Variants in KCNG3 observed in about 807,000 individuals in gnomAD.
KCNG3 encodes the protein voltage-gated potassium channel regulatory subunit KCNG3.
In KCNG3, 15 loss-of-function variants were observed where a neutral mutation model predicts 29.0. That is an observed-to-expected ratio of 0.52 (90% confidence interval 0.35 to 0.80). KCNG3 has a LOEUF of 0.80. KCNG3 is among the 30% of genes least tolerant of loss of function. The pLI, the probability that KCNG3 is intolerant of heterozygous loss-of-function variation, is 0.01. For synonymous variants in KCNG3, 322 were observed against 248.9 expected, an observed-to-expected ratio of 1.29 and a Z score of -2.76; for missense variants, 512 against 605.7, an observed-to-expected ratio of 0.85 and a Z score of 1.62.
intron 1 of KCNG3, among the ~76,000 whole-genome samples, chr2:42,474,839 G>T (rs1312888982): frequency 6.6e-6 from 1 of 152,112 alleles, no homozygotes; most frequent in Non-Finnish European, 1.5e-5. Context: ...ACATAAAGGG[G>T]AATTCTTTTG....
chr2:42,454,721 A>G (rs955204630), intron 1 of KCNG3, among the ~76,000 whole-genome samples: 1 of 152,156 alleles, frequency 6.6e-6, no homozygotes, highest in African/African-American at 2.4e-5. Flanking sequence ...AGAAAAAAAA[A>G]AAGAAAGAAA....
chr2:42,481,757 T>C (rs111234542), intron 1 of KCNG3, among the ~76,000 whole-genome samples: 102 of 152,212 alleles, frequency 6.7e-4, no homozygotes, highest in African/African-American at 2.3e-3. Context: ...AGGGATTGGT[T>C]TGTGCTTCCT....
chr2:42,389,537 G>C, the KCNG3 span, among the ~76,000 whole-genome samples: 1 of 152,170 alleles, frequency 6.6e-6, no homozygotes, highest in Non-Finnish European at 1.5e-5. Context: ...AAATAAAAAT[G>C]TGACTTCACT....
chr2:42,487,721 AC>A (rs1673762961), intron 1 of KCNG3, among the ~76,000 whole-genome samples: 1 of 152,250 alleles, frequency 6.6e-6, no homozygotes, highest in South Asian at 2.1e-4. Context: ...TGTGAAAATT[AC>A]AAGTGCATAT....
chr2:42,475,125 C>T (rs911479883), intron 1 of KCNG3, among the ~76,000 whole-genome samples: 8 of 152,214 alleles, frequency 5.3e-5, no homozygotes, highest in African/African-American at 1.7e-4. Flanking sequence ...TGTAAACACC[C>T]ATTACCTTTC....
chr2:42,444,310 A>G lies in KCNG3; in HGVS notation c.935T>C (p.Leu312Pro). The G allele has an allele frequency of 6.2e-7, 1 of 1,614,220 alleles. No homozygotes were observed. Among genetic ancestry groups the G allele is most frequent in the Non-Finnish European group, 8.5e-7 (1 of 1,180,042 alleles). ...LARHFIGLQTLGLTLKRCYRE... is the reference protein window; with the variant it reads ...LARHFIGLQTPGLTLKRCYRE... ...GTAGCAACGTTTGAGAGTCAAACCG[A>G]GTGTCTGAAGACCAATGAAGTGACG... The change falls in exon 2 of 2, where the codon CTC becomes CCC. Residue 312 changes from leucine (L) to proline (P), a missense_variant. Transcript: ENST00000306078. This position sits in a 1 kb window ranked among gnomAD's most constrained non-coding sequence, Gnocchi z 5.8.
intron 1 of KCNG3, among the ~76,000 whole-genome samples, chr2:42,445,745 G>C (rs1410244138): frequency 1.2e-4 from 17 of 144,746 alleles, no homozygotes; most frequent in Non-Finnish European, 6.1e-5. Flanking sequence ...TTTTTTTTTT[G>C]AGATGAAGTT....
chr2:42,434,458 CAAAAAAAAAAAAAAAAA>C, the KCNG3 span, among the ~76,000 whole-genome samples: 1 of 31,242 alleles, frequency 3.2e-5, no homozygotes, highest in South Asian at 1.9e-3. Flanking sequence ...GACACTGTCT[CAAAAAAAAAAAAAAAAA>C]AAAAAAAAAA....
chr2:42,438,460 G>C (rs1329807252), downstream of KCNG3, among the ~76,000 whole-genome samples: 2 of 152,070 alleles, frequency 1.3e-5, no homozygotes, highest in Admixed American at 1.3e-4. Context: ...ACTTACTCCT[G>C]GTAGGTGAAA....
intron 1 of KCNG3, chr2:42,463,186 C>G (rs181870429): frequency 2.9e-6 from 1 of 350,142 alleles, no homozygotes; most frequent in Non-Finnish European, 5.4e-6. Context: ...CCAGCATCGA[C>G]GTTCTTGCCA....
chr2:42,475,413 C>CT (rs1673399311), intron 1 of KCNG3, among the ~76,000 whole-genome samples: 1 of 149,124 alleles, frequency 6.7e-6, no homozygotes, highest in South Asian at 2.1e-4. Flanking sequence ...ACTGCAACCT[C>CT]TTTCTCCCAG....
the KCNG3 span, among the ~76,000 whole-genome samples, chr2:42,410,879 A>G: frequency 0.015 from 2,328 of 152,260 alleles, 61 homozygotes; most frequent in African/African-American, 0.052. Context: ...TGCCACAGTT[A>G]AGAAGGAATT....
chr2:42,403,475 CTG>C, the KCNG3 span, among the ~76,000 whole-genome samples: 1 of 98,838 alleles, frequency 1.0e-5, no homozygotes, highest in Admixed American at 9.9e-5. Flanking sequence ...TATTTCTTTT[CTG>C]TTTTTTTTTT....
At chr2:42,409,911 T>G in the KCNG3 span, among the ~76,000 whole-genome samples, 8 of 151,990 alleles carry the variant, frequency 5.3e-5, no homozygotes, top group African/African-American at 1.5e-4. Context: ...ACTACACTCA[T>G]TGCAGTCATT....
intron 1 of KCNG3, among the ~76,000 whole-genome samples, chr2:42,466,136 T>C (rs113661338): frequency 0.018 from 2,712 of 152,310 alleles, 91 homozygotes; most frequent in African/African-American, 0.061. Context: ...CTAGGCACAA[T>C]GGCTCACATC....
chr2:42,416,474 TG>T, the KCNG3 span, among the ~76,000 whole-genome samples: 1 of 151,974 alleles, frequency 6.6e-6, no homozygotes, highest in African/African-American at 2.4e-5. Flanking sequence ...CTAAAGATCA[TG>T]AAAAACACAA....
intron 1 of KCNG3, among the ~76,000 whole-genome samples, chr2:42,461,626 C>T (rs1381781047): frequency 2.0e-5 from 3 of 152,112 alleles, no homozygotes; most frequent in Non-Finnish European, 4.4e-5. Flanking sequence ...TCCGGGTGGG[C>T]CCCCTTAATC....
At chr2:42,428,475 A>AAAG in the KCNG3 span, among the ~76,000 whole-genome samples, 3 of 143,814 alleles carry the variant, frequency 2.1e-5, no homozygotes, top group Admixed American at 6.8e-5. Context: ...AAAAAAAAAA[A>AAAG]AAAGAAAAGA....
chr2:42,466,684 T>G (rs527303877), intron 1 of KCNG3, among the ~76,000 whole-genome samples: 3 of 151,618 alleles, frequency 2.0e-5, no homozygotes, highest in Admixed American at 6.6e-5. Context: ...TACAGAATGG[T>G]AGACTGGTAC....
Sources: gnomAD v4.1 joint callset for allele counts (sites outside exome capture counted in the v4.1 genomes callset) on GRCh38, gnomAD v4.1.1 for gene constraint, Gnocchi (gnomAD v3.1) non-coding constraint, MANE v1.5 for transcripts, NCBI Gene and HGNC (gene_info 2026-07-23, HGNC 2026-07-21) for gene names.